LMO4: variants seen among roughly 807,000 people sequenced by gnomAD.
LMO4 encodes the protein LIM domain only 4, also known as LIM domain transcription factor LMO4.
A neutral mutation model predicts 18.5 loss-of-function variants in LMO4; 3 were observed. That is an observed-to-expected ratio of 0.16 (90% confidence interval 0.07 to 0.42). LMO4 has a LOEUF of 0.42. Among genes scored for constraint, LMO4 ranks in the 10% least tolerant of loss-of-function variants. LMO4 has a pLI of 0.99. For missense variants in LMO4, 121 were observed against 219.9 expected (o/e 0.55, Z 2.84); for synonymous variants, 100 against 88.1 (o/e 1.14, Z -0.76).
chr1:87,339,801 G>A (rs1650420679), intron 3 of LMO4, among the ~76,000 whole-genome samples, 169 bp downstream of exon 3: 1 of 152,168 alleles, frequency 6.6e-6, no homozygotes. Context: ...CACATGCACA[G>A]ACCACGCTTC....
At chr1:87,342,725 C>T (rs1045641949) in intron 4 of LMO4, among the ~76,000 whole-genome samples, 6 of 152,062 alleles carry the variant, frequency 3.9e-5, no homozygotes, top group African/African-American at 1.4e-4. Flanking sequence ...ACGGTCAATT[C>T]ACAAGGTAGT....
rs1033299744 is a variant in LMO4 at position 87,348,371 on chromosome 1, C to T, written c.*3575C>T. 1.6e-5 allele frequency: 4 copies of T among 243,720 alleles called. No homozygotes were observed. Among genetic ancestry groups the T allele is most frequent in the Admixed American group, 9.3e-5 (2 of 21,478 alleles). The allele number at this position is 243,720 out of a possible 1,614,324, so 15.1% of individuals were successfully genotyped here. A position where few individuals can be genotyped will look rare whatever the true frequency, so the allele number is the denominator to read the frequency against. On this transcript the variant is annotated 3_prime_UTR_variant, in exon 5 of 5. Transcript: ENST00000370544. ...ATTTACAAGTTAATGTTACTTATAG[C>T]TTTGTTACTAAGACTCACCTATTGT...
intron 2 of LMO4, among the ~76,000 whole-genome samples, chr1:87,336,570 G>T (rs1650319808): frequency 6.6e-6 from 1 of 152,188 alleles, no homozygotes; most frequent in African/African-American, 2.4e-5. Context: ...AAACTACATG[G>T]TGTTGTTCAA....
At chr1:87,337,797 A>G (rs556586161) in intron 2 of LMO4, among the ~76,000 whole-genome samples, 1 of 152,272 alleles carries the variant, frequency 6.6e-6, no homozygotes, top group African/African-American at 2.4e-5. Context: ...CAGGTGAGAC[A>G]CCGGGAGGTC....
In LMO4 at chr1:87,348,515, TAAA is replaced by T. The variant is rs1650697508; in HGVS notation, c.*3720_*3722del. The T allele has an allele frequency of 2.8e-6, 1 of 356,028 alleles. No individual in the cohort carries two copies. 22.1% of individuals were successfully genotyped at this position (356,028 alleles called of 1,614,324 possible). On this transcript the variant is annotated 3_prime_UTR_variant, in exon 5 of 5. Coordinates refer to ENST00000370544, the MANE Select transcript of LMO4 (RefSeq NM_006769.4). Reference sequence around the variant, plus strand: ...GATTGGCAGTGCTCTGAACGCATGTTAAACAGCCAGCTACTCCCACTTGCAGAG... The same window carrying T: ...GATTGGCAGTGCTCTGAACGCATGTTCAGCCAGCTACTCCCACTTGCAGAG...
Position 87,343,035 on chromosome 1 carries a change from A to G in LMO4, c.490-1753A>G, listed in dbSNP as rs79917091. ...CATTTTCCTTCTATTCGCAGAATCA[A>G]TTACATTTTTGGTGTATTATGCGTG... On this transcript the variant is annotated intron_variant, in intron 4 of 4. Coordinates refer to ENST00000370544, the MANE Select transcript of LMO4 (RefSeq NM_006769.4). Among the ~76,000 whole-genome samples the G allele has an allele frequency of 5.3e-3, 807 of 152,310 alleles. 6 individuals are homozygous for G. Among genetic ancestry groups the G allele is most frequent in the African/African-American group, 0.019 (773 of 41,572 alleles).
At chr1:87,330,830 C>G (rs1650117929) in intron 1 of LMO4, among the ~76,000 whole-genome samples, 1 of 152,174 alleles carries the variant, frequency 6.6e-6, no homozygotes, top group Non-Finnish European at 1.5e-5. Flanking sequence ...GAATAAGTGA[C>G]TAGAGGAACA....
chr1:87,339,447 A>G (rs1198046773), intron 2 of LMO4, 89 bp from the exon 3 acceptor site: 5 of 855,522 alleles, frequency 5.8e-6, no homozygotes, highest in Non-Finnish European at 7.6e-6. Flanking sequence ...ATGCATTCCA[A>G]AGGGATGCCC....
chr1:87,348,806 C>G lies in LMO4; in HGVS notation c.*4010C>G, dbSNP rs908134686. 3.6e-5 allele frequency: 18 copies of G among 499,072 alleles called. No homozygotes were observed. The highest frequency in any genetic ancestry group is 3.3e-4 in the African/African-American group (17 of 51,644). The allele number at this position is 499,072 out of a possible 1,614,324, so 30.9% of individuals were successfully genotyped here. On this transcript the variant is annotated 3_prime_UTR_variant, in exon 5 of 5. Coordinates refer to ENST00000370544, the MANE Select transcript of LMO4 (RefSeq NM_006769.4). ...TCAGATTGATTCTGCTGAGAATGGA[C>G]GGCAACTCGGAGGCCTCAAGCCAAT...
intron 1 of LMO4, among the ~76,000 whole-genome samples, chr1:87,330,260 A>C (rs567720964): frequency 2.6e-5 from 4 of 152,194 alleles, no homozygotes; most frequent in African/African-American, 9.6e-5. Flanking sequence ...AGAGCTTGGA[A>C]TCTCCTCCCT....
In LMO4 at chr1:87,344,823, C is replaced by G. The variant is rs750214272; in HGVS notation, c.*27C>G. 2 of 1,612,698 alleles carry G rather than the reference C, an allele frequency of 1.2e-6. No homozygotes were observed. Among genetic ancestry groups the G allele is most frequent in the East Asian group, 2.2e-5 (1 of 44,882 alleles). On this transcript the variant is annotated 3_prime_UTR_variant, in exon 5 of 5. Transcript: ENST00000370544. Reference sequence around the variant, plus strand: ...AGGTCAGAGTAATGCAGAATGCGTGCCTTCATCTCAGATTTGTTCATCACA... The same window carrying G: ...AGGTCAGAGTAATGCAGAATGCGTGGCTTCATCTCAGATTTGTTCATCACA...
chr1:87,338,270 TATAGGA>T (rs1650368766), intron 2 of LMO4, among the ~76,000 whole-genome samples: 1 of 152,368 alleles, frequency 6.6e-6, no homozygotes, highest in Admixed American at 6.5e-5. Context: ...TGGGGTGTTC[TATAGGA>T]ATATGTCTCC....
rs1218967130 is a variant in LMO4, at chr1:87,348,625, T to C, written c.*3829T>C. On this transcript the variant is annotated 3_prime_UTR_variant, in exon 5 of 5. Coordinates refer to ENST00000370544, the MANE Select transcript of LMO4 (RefSeq NM_006769.4). The stretch of plus-strand genomic sequence containing the variant: ...TAAAGAGGCATTTGTAGCCCTCTGC[T>C]CCCATCGTGAACATGCTGAGAGCAA... The C allele has an allele frequency of 2.2e-6, 1 of 458,590 alleles. No individual in the cohort carries two copies. The highest frequency in any genetic ancestry group is 4.4e-6 in the Non-Finnish European group (1 of 227,778). The allele number at this position is 458,590 out of a possible 1,614,324, so 28.4% of individuals were successfully genotyped here. A position where few individuals can be genotyped will look rare whatever the true frequency, so the allele number is the denominator to read the frequency against.
intron 1 of LMO4, chr1:87,331,077 C>G (rs1239789924): frequency 2.4e-5 from 1 of 41,952 alleles, no homozygotes; most frequent in Non-Finnish European, 1.1e-4. Flanking sequence ...CCCCCCCCCC[C>G]CCGCCCTTTG....
intron 4 of LMO4, among the ~76,000 whole-genome samples, chr1:87,342,437 G>C (rs1309505275): frequency 1.3e-5 from 2 of 152,108 alleles, no homozygotes; most frequent in Non-Finnish European, 2.9e-5. Flanking sequence ...CCTTTTCCAG[G>C]ATGGCAGTGG....
chr1:87,331,479 C>T (rs1242786027), intron 1 of LMO4, among the ~76,000 whole-genome samples: 1 of 152,218 alleles, frequency 6.6e-6, no homozygotes, highest in East Asian at 1.9e-4. Context: ...ACTGCAGCTG[C>T]ACTTCCCGGG....
Position 87,348,360 on chromosome 1 carries a change from G to A in LMO4, c.*3564G>A, listed in dbSNP as rs1650693154. The A allele has an allele frequency of 4.4e-6, 1 of 228,528 alleles. No individual in the cohort carries two copies. The highest frequency in any genetic ancestry group is 9.0e-6 in the Non-Finnish European group (1 of 111,084). 14.2% of individuals were successfully genotyped at this position (228,528 alleles called of 1,614,324 possible). A position where few individuals can be genotyped will look rare whatever the true frequency, so the allele number is the denominator to read the frequency against. On this transcript the variant is annotated 3_prime_UTR_variant, in exon 5 of 5. Coordinates refer to ENST00000370544, the MANE Select transcript of LMO4 (RefSeq NM_006769.4). ...GGAAAAAGGCCATTTACAAGTTAATGTTACTTATAGCTTTGTTACTAAGAC... is the reference window on the plus strand; with the variant it reads ...GGAAAAAGGCCATTTACAAGTTAATATTACTTATAGCTTTGTTACTAAGAC...
At chr1:87,343,792 T>C (rs967613452) in intron 4 of LMO4, among the ~76,000 whole-genome samples, 1 of 152,192 alleles carries the variant, frequency 6.6e-6, no homozygotes, top group Admixed American at 6.5e-5. Context: ...CTTCACCACT[T>C]TAATTAGCTT....
At chr1:87,333,956 CAAAA>C (rs1400582190) in intron 2 of LMO4, among the ~76,000 whole-genome samples, 1 of 146,276 alleles carries the variant, frequency 6.8e-6, no homozygotes, top group Non-Finnish European at 1.5e-5. Context: ...AAAAAAAAAA[CAAAA>C]AACAAAAAAA....
Sources: allele counts gnomAD v4.1 joint callset (sites outside exome capture counted in the v4.1 genomes callset), GRCh38; gene constraint gnomAD v4.1.1; transcripts MANE v1.5; gene names NCBI Gene and HGNC (gene_info 2026-07-23, HGNC 2026-07-21).